The following CYP2C18 variants were observed in gnomAD, a reference collection of about 807,000 sequenced individuals.
CYP2C18 encodes cytochrome P450 family 2 subfamily C member 18.
A neutral mutation model predicts 41.3 loss-of-function variants in CYP2C18; 38 were observed. The ratio of observed to expected loss-of-function variants is 0.92; its 90% CI spans 0.71 to 1.21. The LOEUF is 1.21. Among genes scored for constraint, CYP2C18 ranks in the 50% most tolerant of loss-of-function variants. The pLI is 0.00. For synonymous variants in CYP2C18, 236 were observed against 210.0 expected (o/e 1.12, Z -1.07); for missense variants, 635 against 591.4 (o/e 1.07, Z -0.77).
chr10:94,699,447 T>G (rs745442507), intron 4 of CYP2C18, among the ~76,000 whole-genome samples: 4 of 152,160 alleles, frequency 2.6e-5, no homozygotes, highest in Non-Finnish European at 2.9e-5. Flanking sequence ...TGCTAAAAAC[T>G]TTCAATAAAT....
chr10:94,697,509 C>T (rs1847140763), intron 4 of CYP2C18, among the ~76,000 whole-genome samples: 1 of 152,166 alleles, frequency 6.6e-6, no homozygotes, highest in Admixed American at 6.5e-5. Context: ...ACAAACAGTA[C>T]CAGCCACTGC....
At position 94,733,279 on chromosome 10, in the gene CYP2C18, C is replaced by T; in HGVS notation, c.1150-18C>T. ...TTGACTTCTTTATAACTTAGTTTGTCTGTTTTGCTATTTTCAGGGCACGAC... is the reference window on the plus strand; with the variant it reads ...TTGACTTCTTTATAACTTAGTTTGTTTGTTTTGCTATTTTCAGGGCACGAC... On this transcript the variant is annotated intron_variant, in intron 7 of 8. Transcript: ENST00000285979. 6.2e-7 allele frequency: 1 copy of T among 1,607,916 alleles called. No individual in the cohort carries two copies. Among genetic ancestry groups the T allele is most frequent in the Non-Finnish European group, 8.5e-7 (1 of 1,176,548 alleles).
rs1222267690 is a variant in CYP2C18, at chr10:94,695,016, T to C, written c.581T>C (p.Phe194Ser). ...HDRFDYKDQR[F>S]LNLMEKFNEN... ...CGATTTGATTATAAAGATCAGAGGT[T>C]TCTTAACTTGATGGAAAAATTCAAT... Residue 194 changes from phenylalanine to serine, a missense_variant, in exon 4 of 9, where the codon TTT becomes TCT. By Grantham distance (155) the Phe-to-Ser change is radical. Transcript: ENST00000285979. The C allele has an allele frequency of 3.1e-6, 5 of 1,613,258 alleles. No individual in the cohort carries two copies. The highest frequency in any genetic ancestry group is 1.1e-5 in the South Asian group (1 of 91,014).
intron 6 of CYP2C18, 145 bp downstream of exon 6, chr10:94,720,682 A>G: frequency 1.3e-6 from 1 of 779,686 alleles, no homozygotes; most frequent in Non-Finnish European, 2.0e-6. Flanking sequence ...AAATATGATG[A>G]AGGGATAAGA....
At chr10:94,685,463 G>A (rs1358654635) in intron 1 of CYP2C18, among the ~76,000 whole-genome samples, 1 of 151,938 alleles carries the variant, frequency 6.6e-6, no homozygotes, top group Non-Finnish European at 1.5e-5. Flanking sequence ...TCATATCCAA[G>A]AAATCATTGC....
chr10:94,707,744 T>C lies in CYP2C18; in HGVS notation c.819+784T>C, dbSNP rs1847368098. ...CAGATTCTGAAATAAAATCAAGTTGTCCATTTTGTCATATTGCCAAAAATC... is the reference window on the plus strand; with the variant it reads ...CAGATTCTGAAATAAAATCAAGTTGCCCATTTTGTCATATTGCCAAAAATC... On this transcript the variant is annotated intron_variant, in intron 5 of 8. Coordinates refer to ENST00000285979, the MANE Select transcript of CYP2C18 (RefSeq NM_000772.3). 2.6e-5 allele frequency among the ~76,000 whole-genome samples: 4 copies of C among 152,316 alleles called. 1 individual carries two copies. In the South Asian group the frequency reaches 8.3e-4, roughly 32 times the overall value.
intron 5 of CYP2C18, among the ~76,000 whole-genome samples, chr10:94,709,019 C>G (rs1472030709): frequency 1.3e-5 from 2 of 151,998 alleles, no homozygotes; most frequent in Admixed American, 6.6e-5. Flanking sequence ...ATGAATAATG[C>G]TGGTATGGAC....
At chr10:94,702,141 AC>A (rs1238903374) in intron 4 of CYP2C18, among the ~76,000 whole-genome samples, 1 of 152,108 alleles carries the variant, frequency 6.6e-6, no homozygotes, top group Non-Finnish European at 1.5e-5. Flanking sequence ...GGGCAACCTA[AC>A]CTTTCTCTCT....
At position 94,694,950 on chromosome 10, in the gene CYP2C18, G is replaced by C; in HGVS notation, c.515G>C (p.Cys172Ser). 1 of 1,612,888 alleles carries C rather than the reference G, an allele frequency of 6.2e-7. No individual in the cohort carries two copies. Among genetic ancestry groups the C allele is most frequent in the Non-Finnish European group, 8.5e-7 (1 of 1,179,850 alleles). Residue 172 changes from cysteine to serine, a missense_variant, in exon 4 of 9, where the codon TGT becomes TCT. Transcript: ENST00000285979. ...SPCDPTFILGCAPCNVICSVI... is the reference protein window; with the variant it reads ...SPCDPTFILGSAPCNVICSVI... ...TGTGATCCCACTTTCATCCTGGGCT[G>C]TGCTCCCTGCAATGTGATCTGCTCT...
At chr10:94,692,916 C>T (rs1014348729) in intron 3 of CYP2C18, among the ~76,000 whole-genome samples, 1 of 150,966 alleles carries the variant, frequency 6.6e-6, no homozygotes, top group South Asian at 2.1e-4. Flanking sequence ...CAAACTATCG[C>T]AAGACCAAAC....
At chr10:94,719,759 G>A (rs1019437228) in intron 5 of CYP2C18, among the ~76,000 whole-genome samples, 2 of 152,030 alleles carry the variant, frequency 1.3e-5, no homozygotes, top group East Asian at 3.9e-4. Context: ...GTTTTTAGTA[G>A]AGATGAGATT....
intron 7 of CYP2C18, among the ~76,000 whole-genome samples, chr10:94,725,221 T>G (rs899382248): frequency 4.0e-5 from 6 of 151,280 alleles, no homozygotes; most frequent in African/African-American, 1.5e-4. Flanking sequence ...ATTAGAGATG[T>G]GTGCCACTGC....
intron 8 of CYP2C18, among the ~76,000 whole-genome samples, chr10:94,733,911 C>G (rs1010455123): frequency 4.6e-5 from 7 of 151,830 alleles, no homozygotes; most frequent in African/African-American, 1.7e-4. Context: ...GACAAGTAAA[C>G]AGATCATTGT....
At chr10:94,717,972 CTT>C (rs1847583219) in intron 5 of CYP2C18, among the ~76,000 whole-genome samples, 1 of 151,848 alleles carries the variant, frequency 6.6e-6, no homozygotes. Flanking sequence ...TTGGGGATGA[CTT>C]TTCCTATTTC....
chr10:94,697,653 G>T (rs1404993520), intron 4 of CYP2C18, among the ~76,000 whole-genome samples: 1 of 152,108 alleles, frequency 6.6e-6, no homozygotes, highest in Non-Finnish European at 1.5e-5. Flanking sequence ...ATGTAAATGG[G>T]TTAAATGCTC....
In CYP2C18 at chr10:94,732,791, G is replaced by A. The variant is rs145070174; in HGVS notation, c.1150-506G>A. Among the ~76,000 whole-genome samples the A allele has an allele frequency of 4.7e-3, 709 of 152,120 alleles. 3 individuals carry two copies. The highest frequency in any genetic ancestry group is 0.017 in the African/African-American group (687 of 41,518). ...CATAAAGATGGCAACAATAGGCACT[G>A]GGGACTACTAGATGGGGGCTGAAGG... On this transcript the variant is annotated intron_variant, in intron 7 of 8. Transcript: ENST00000285979.
In CYP2C18 at chr10:94,694,955, C is replaced by T. The variant is rs745720615; in HGVS notation, c.520C>T (p.Pro174Ser). The T allele has an allele frequency of 1.9e-6, 3 of 1,612,972 alleles. No homozygotes were observed. In the East Asian group the frequency reaches 6.7e-5, roughly 36 times the overall value. ...TCCCACTTTCATCCTGGGCTGTGCT[C>T]CCTGCAATGTGATCTGCTCTGTTAT... ...CDPTFILGCA[P>S]CNVICSVIFH... is the part of the protein sequence containing the mutation. Residue 174 changes from proline to serine, a missense_variant, in exon 4 of 9, where the codon CCC (proline) becomes TCC (serine). Transcript: ENST00000285979.
In CYP2C18 at chr10:94,729,213, A is replaced by G. The variant is rs187303407; in HGVS notation, c.1150-4084A>G. On this transcript the variant is annotated intron_variant, in intron 7 of 8. Coordinates refer to ENST00000285979, the MANE Select transcript of CYP2C18 (RefSeq NM_000772.3). The stretch of plus-strand genomic sequence containing the variant: ...GAAGTCAGTGAGGAGCTGAGAAAAT[A>G]TAGGCAATGGCTGCTCAATAAGAAT... Among the ~76,000 whole-genome samples the G allele has an allele frequency of 4.6e-5, 7 of 152,294 alleles. No individual in the cohort carries two copies. In the South Asian group the frequency reaches 6.2e-4, roughly 14 times the overall value.
At position 94,720,442 on chromosome 10, in the gene CYP2C18, C is replaced by G. The variant is rs1376518003; in HGVS notation, c.866C>G (p.Ala289Gly). The G allele has an allele frequency of 6.2e-7, 1 of 1,612,622 alleles. No individual in the cohort carries two copies. Among genetic ancestry groups the G allele is most frequent in the Non-Finnish European group, 8.5e-7 (1 of 1,179,026 alleles). Reference protein sequence around the residue: ...QSEFTVESLIATVTDMFGAGT... With the variant: ...QSEFTVESLIGTVTDMFGAGT... Reference sequence around the variant, plus strand: ...GAATTTACTGTTGAAAGCTTGATAGCCACTGTAACTGATATGTTTGGGGCT... The same window carrying G: ...GAATTTACTGTTGAAAGCTTGATAGGCACTGTAACTGATATGTTTGGGGCT... Residue 289 changes from alanine (A) to glycine (G), a missense_variant, in exon 6 of 9, where the codon GCC becomes GGC. Coordinates refer to ENST00000285979, the MANE Select transcript of CYP2C18 (RefSeq NM_000772.3).
Sources: gnomAD v4.1 joint callset for allele counts (sites outside exome capture counted in the v4.1 genomes callset) on GRCh38, gnomAD v4.1.1 for gene constraint, MANE v1.5 for transcripts, NCBI Gene and HGNC (gene_info 2026-07-23, HGNC 2026-07-21) for gene names.